PGM5: variants seen among roughly 807,000 people sequenced by gnomAD.
PGM5 encodes the protein phosphoglucomutase-like protein 5.
In PGM5, 23 loss-of-function variants were observed where a neutral mutation model predicts 59.2. That is an observed-to-expected ratio of 0.39 (90% CI 0.28 to 0.55). The LOEUF is 0.55. Ranked by LOEUF, PGM5 falls within the 20% of genes least tolerant of loss-of-function variation. The pLI, the probability that PGM5 is intolerant of heterozygous loss-of-function variation, is 0.66. For missense variants in PGM5, 574 were observed against 748.3 expected, an observed-to-expected ratio of 0.77 and a Z score of 2.72; for synonymous variants, 214 against 286.0, an observed-to-expected ratio of 0.75 and a Z score of 2.54.
At chr9:68,449,382 A>G (rs1284758275) in intron 6 of PGM5, among the ~76,000 whole-genome samples, 11 of 152,320 alleles carry the variant, frequency 7.2e-5, no homozygotes, top group African/African-American at 2.4e-4. Flanking sequence ...GAGGGCAAAA[A>G]GAATGGCTTG....
intron 6 of PGM5, among the ~76,000 whole-genome samples, chr9:68,438,374 T>C (rs1419733388): frequency 6.6e-6 from 1 of 151,460 alleles, no homozygotes; most frequent in Non-Finnish European, 1.5e-5. Context: ...GAGACATGAC[T>C]GTCAACCTCA....
chr9:68,489,202 C>T (rs1554687736), intron 9 of PGM5, among the ~76,000 whole-genome samples: 1 of 152,172 alleles, frequency 6.6e-6, no homozygotes, highest in East Asian at 1.9e-4. Flanking sequence ...GTGAGACTCC[C>T]CCAGCTCTGA....
At chr9:68,518,646 A>G (rs375050623) in intron 10 of PGM5, among the ~76,000 whole-genome samples, 3 of 152,254 alleles carry the variant, frequency 2.0e-5, no homozygotes, top group African/African-American at 7.2e-5. Context: ...GCTGAAGAAT[A>G]TCAGTGAACT....
intron 10 of PGM5, among the ~76,000 whole-genome samples, chr9:68,522,074 G>A (rs1824907141): frequency 6.6e-6 from 1 of 152,198 alleles, no homozygotes. Context: ...GGCCCACATG[G>A]AGAAATCCTG....
intron 6 of PGM5, among the ~76,000 whole-genome samples, chr9:68,417,544 G>A (rs1823055604): frequency 6.6e-6 from 1 of 152,120 alleles, no homozygotes; most frequent in Admixed American, 6.5e-5. Context: ...CATTCAGGGT[G>A]ATATTCAAAA....
intron 10 of PGM5, among the ~76,000 whole-genome samples, chr9:68,507,003 C>T (rs1306860850): frequency 4.0e-5 from 6 of 151,840 alleles, no homozygotes; most frequent in African/African-American, 1.5e-4. Flanking sequence ...AAAACAAATT[C>T]AATTTTAAAA....
intron 10 of PGM5, among the ~76,000 whole-genome samples, chr9:68,527,513 G>A (rs1825002833): frequency 6.6e-6 from 1 of 152,118 alleles, no homozygotes; most frequent in South Asian, 2.1e-4. Flanking sequence ...TGTACAAAAT[G>A]GGCACTTTGC....
chr9:68,480,600 G>A (rs782198330), intron 8 of PGM5, among the ~76,000 whole-genome samples: 1 of 152,048 alleles, frequency 6.6e-6, no homozygotes, highest in African/African-American at 2.4e-5. Context: ...TAGGGAGGCT[G>A]AGGCAGGAGA....
chr9:68,489,175 C>T (rs1243521689), intron 9 of PGM5, among the ~76,000 whole-genome samples: 2 of 152,176 alleles, frequency 1.3e-5, no homozygotes, highest in Non-Finnish European at 2.9e-5. Flanking sequence ...CTGGAATCTC[C>T]ACTCAGTGCC....
At chr9:68,421,257 C>T (rs1554682320) in intron 6 of PGM5, among the ~76,000 whole-genome samples, 1 of 152,198 alleles carries the variant, frequency 6.6e-6, no homozygotes, top group East Asian at 1.9e-4. Context: ...CCTGCTTCTT[C>T]TCTCACCCCT....
At chr9:68,463,389 T>C (rs1587818271) in intron 6 of PGM5, among the ~76,000 whole-genome samples, 1 of 152,136 alleles carries the variant, frequency 6.6e-6, no homozygotes, top group East Asian at 1.9e-4. Flanking sequence ...TTTCAGTTGC[T>C]AGCTCTGGGG....
intron 10 of PGM5, among the ~76,000 whole-genome samples, chr9:68,519,561 A>G (rs1824868199): frequency 6.6e-6 from 1 of 152,014 alleles, no homozygotes; most frequent in Non-Finnish European, 1.5e-5. Flanking sequence ...AAAAATTGAG[A>G]AAGAAAAACA....
At chr9:68,433,224 C>A (rs1449097625) in intron 6 of PGM5, among the ~76,000 whole-genome samples, 2 of 152,212 alleles carry the variant, frequency 1.3e-5, no homozygotes, top group East Asian at 3.8e-4. Flanking sequence ...AATCTGGATT[C>A]TGTCGCTGTT....
rs1216108642 is a variant in PGM5 at position 68,421,246 on chromosome 9, G to A, written c.1043+28773G>A. Among the ~76,000 whole-genome samples the A allele has an allele frequency of 2.6e-5, 4 of 152,166 alleles. No individual in the cohort carries two copies. In the East Asian group the frequency reaches 7.7e-4, roughly 29 times the overall value. ...TCCACTGCATAGGCCTCTGCCTAGG[G>A]CCTGCTTCTTCTCTCACCCCTGGTG... On this transcript the variant is annotated intron_variant, in intron 6 of 10. Transcript: ENST00000396396.
intron 6 of PGM5, among the ~76,000 whole-genome samples, chr9:68,455,275 G>A (rs928719679): frequency 6.6e-6 from 1 of 152,164 alleles, no homozygotes; most frequent in Non-Finnish European, 1.5e-5. Flanking sequence ...GGAATGCAAA[G>A]TTTTGCATGT....
At chr9:68,409,781 C>G (rs1420500612) in intron 6 of PGM5, among the ~76,000 whole-genome samples, 1 of 135,620 alleles carries the variant, frequency 7.4e-6, no homozygotes, top group African/African-American at 2.8e-5. Context: ...TGCTAGATGA[C>G]GAGTTAGTGG....
chr9:68,446,348 T>C (rs1024025404), intron 6 of PGM5, among the ~76,000 whole-genome samples: 2 of 152,252 alleles, frequency 1.3e-5, no homozygotes, highest in African/African-American at 4.8e-5. Flanking sequence ...TCCCATACAT[T>C]CTCATTTCAT....
chr9:68,403,056 T>G (rs1391160264), intron 6 of PGM5, among the ~76,000 whole-genome samples: 1 of 152,188 alleles, frequency 6.6e-6, no homozygotes, highest in Non-Finnish European at 1.5e-5. Flanking sequence ...AGGAAAGCAT[T>G]TTTATTTACA....
intron 9 of PGM5, among the ~76,000 whole-genome samples, chr9:68,490,454 A>G (rs1423682502): frequency 1.3e-5 from 2 of 152,222 alleles, no homozygotes; most frequent in African/African-American, 2.4e-5. Context: ...TCCTGGGTTC[A>G]AGAGATTCTC....
Sources: gnomAD v4.1 joint callset for allele counts (sites outside exome capture counted in the v4.1 genomes callset) on GRCh38, gnomAD v4.1.1 for gene constraint, MANE v1.5 for transcripts, NCBI Gene and HGNC (gene_info 2026-07-23, HGNC 2026-07-21) for gene names.